FNIP2: variants seen among roughly 807,000 people sequenced by gnomAD.
FNIP2 encodes the protein folliculin interacting protein 2.
A neutral mutation model predicts 108.7 loss-of-function variants in FNIP2; 32 were observed. The ratio of observed to expected loss-of-function variants is 0.29; its 90% CI spans 0.22 to 0.40. The LOEUF is 0.40. Ranked by LOEUF, FNIP2 falls within the 10% of genes least tolerant of loss-of-function variation. The probability of loss-of-function intolerance (pLI) is 1.00; values close to 1 mark genes in which losing one functional copy is unlikely to be tolerated. For synonymous variants in FNIP2, 480 were observed against 496.7 expected (o/e 0.97, Z 0.45); for missense variants, 1,202 against 1,381.6 (o/e 0.87, Z 2.06).
intron 1 of FNIP2, among the ~76,000 whole-genome samples, chr4:158,769,948 A>G (rs749799286): frequency 6.6e-6 from 1 of 152,190 alleles, no homozygotes; most frequent in Non-Finnish European, 1.5e-5. Flanking sequence ...TATTTAATAG[A>G]TTTGATCTCT....
At chr4:158,777,517 C>T (rs1242498259) in intron 1 of FNIP2, among the ~76,000 whole-genome samples, 2 of 152,168 alleles carry the variant, frequency 1.3e-5, no homozygotes, top group Admixed American at 6.5e-5. Context: ...TTAATGGTGG[C>T]CTACCCTGTG....
At chr4:158,881,853 A>G (rs1234663080) in intron 14 of FNIP2, among the ~76,000 whole-genome samples, 1 of 152,200 alleles carries the variant, frequency 6.6e-6, no homozygotes, top group Non-Finnish European at 1.5e-5. Context: ...CCGAGATTGC[A>G]GCCTCTGCCT....
At chr4:158,892,331 T>A (rs1298669370) in intron 15 of FNIP2, among the ~76,000 whole-genome samples, 1 of 152,072 alleles carries the variant, frequency 6.6e-6, no homozygotes, top group Non-Finnish European at 1.5e-5. Flanking sequence ...AGATGGGTTT[T>A]GCCATGTTGC....
rs1782603709 is a variant in FNIP2, at chr4:158,895,654, TG to T, written c.3151-95del. ...TATTTGAAACTGATGAGATAAAAGCTGTGTAGTTAGAAATGAATTAAGAAAA... is the reference window on the plus strand; with the variant it reads ...TATTTGAAACTGATGAGATAAAAGCTTGTAGTTAGAAATGAATTAAGAAAA... On this transcript the variant is annotated intron_variant, in intron 15 of 16. Coordinates refer to ENST00000264433, the MANE Select transcript of FNIP2 (RefSeq NM_020840.3). 4 of 744,186 alleles carry T rather than the reference TG, an allele frequency of 5.4e-6. No individual in the cohort carries two copies. In the South Asian group the frequency reaches 6.5e-5, roughly 12 times the overall value. The allele number at this position is 744,186 out of a possible 1,614,324, so 46.1% of individuals were successfully genotyped here. A position where few individuals can be genotyped will look rare whatever the true frequency, so the allele number is the denominator to read the frequency against.
rs759628077 is a variant in FNIP2, at chr4:158,869,049, A to G, written c.2413A>G (p.Met805Val). The G allele has an allele frequency of 3.7e-6, 6 of 1,613,910 alleles. No individual in the cohort carries two copies. The African/African-American group carries it at 8.0e-5, about 22-fold the overall frequency. ...AGAGGACAGAGGCAGCAGAAACGAC[A>G]TGGCAGCAGATATTGCTGGGCAGCT... ...FAEDRGSRND[M>V]AADIAGQLSH... Residue 805 changes from methionine to valine, a missense_variant, in exon 13 of 17, where the codon ATG (methionine) becomes GTG (valine). By Grantham distance (21) the Met-to-Val change is conservative. Around this residue, in one of 5 missense-constraint regions of FNIP2, gnomAD observed 878 missense variants for 990.3 expected, o/e 0.89. Coordinates refer to ENST00000264433, the MANE Select transcript of FNIP2 (RefSeq NM_020840.3).
At chr4:158,876,896 G>A (rs1245466309) in intron 14 of FNIP2, among the ~76,000 whole-genome samples, 4 of 152,124 alleles carry the variant, frequency 2.6e-5, no homozygotes, top group African/African-American at 7.2e-5. Flanking sequence ...GTTCATTGTC[G>A]TTACCTAAAG....
intron 1 of FNIP2, among the ~76,000 whole-genome samples, chr4:158,801,207 G>A (rs183243365): frequency 4.1e-4 from 62 of 152,250 alleles, no homozygotes; most frequent in South Asian, 4.2e-4. Flanking sequence ...GGCGGTAGGG[G>A]CCGGTGTGCT....
chr4:158,829,151 A>G lies in FNIP2; in HGVS notation c.307A>G (p.Ser103Gly), dbSNP rs781724049. 3 of 1,613,092 alleles carry G rather than the reference A, an allele frequency of 1.9e-6. No individual in the cohort carries two copies. Among genetic ancestry groups the G allele is most frequent in the South Asian group, 2.2e-5 (2 of 90,804 alleles). Residue 103 changes from serine to glycine, a missense_variant, in exon 3 of 17, where the codon AGC becomes GGC. Ser to Gly is a moderately conservative substitution (Grantham distance 56, BLOSUM62 0). Around this residue, in one of 5 missense-constraint regions of FNIP2, gnomAD observed 173 missense variants for 165.9 expected, o/e 1.04. Transcript: ENST00000264433. ...QGSSSVSSSS[S>G]SSISSHSSSG... ...AAGCAGCAGTGTCAGCAGCAGTAGC[A>G]GCAGCAGCATCTCTTCCCACAGTTC... is the stretch of plus-strand genomic sequence containing the variant.
chr4:158,806,319 T>A (rs1337567578), intron 1 of FNIP2: 1 of 1,289,390 alleles, frequency 7.8e-7, no homozygotes, highest in South Asian at 1.2e-5. Context: ...GTGTGAGTGA[T>A]GCTGTTCCTG....
Position 158,812,372 on chromosome 4 carries a change from G to C in FNIP2, c.108-13544G>C, listed in dbSNP as rs540590188. 1.3e-4 allele frequency among the ~76,000 whole-genome samples: 20 copies of C among 152,126 alleles called. No homozygotes were observed. The South Asian group carries it at 3.3e-3, about 25-fold the overall frequency. ...GGGTAGATAGAACAAGGAGGAGACG[G>C]CCTGTAATTCTGCTGAACAGGGACA... is the stretch of plus-strand genomic sequence containing the variant. On this transcript the variant is annotated intron_variant, in intron 1 of 16. Transcript: ENST00000264433.
chr4:158,779,762 G>T (rs1775978005), intron 1 of FNIP2, among the ~76,000 whole-genome samples: 1 of 145,226 alleles, frequency 6.9e-6, no homozygotes, highest in African/African-American at 2.6e-5. Context: ...TTGTAGAGAC[G>T]GGAGCGGGGG....
At chr4:158,861,165 AGG>A (rs1780268922) in intron 10 of FNIP2, among the ~76,000 whole-genome samples, 175 bp from the exon 11 acceptor site, 1 of 152,266 alleles carries the variant, frequency 6.6e-6, no homozygotes, top group Non-Finnish European at 1.5e-5. Context: ...TTACAAAAAA[AGG>A]TGGCAGTCAG....
intron 1 of FNIP2, among the ~76,000 whole-genome samples, chr4:158,815,106 C>T (rs907103885): frequency 6.6e-6 from 1 of 152,156 alleles, no homozygotes; most frequent in Non-Finnish European, 1.5e-5. Flanking sequence ...CATTTAGTCA[C>T]CAAAACAGCA....
At chr4:158,825,547 G>A (rs958467738) in intron 1 of FNIP2, among the ~76,000 whole-genome samples, 5 of 152,152 alleles carry the variant, frequency 3.3e-5, no homozygotes, top group Non-Finnish European at 5.9e-5. Flanking sequence ...CCTTTAACTC[G>A]GATATGCTGT....
intron 7 of FNIP2, among the ~76,000 whole-genome samples, chr4:158,844,812 T>A (rs933945220): frequency 2.0e-5 from 3 of 152,132 alleles, no homozygotes; most frequent in Admixed American, 6.5e-5. Context: ...GTAGCAAAAA[T>A]TTTTTTTCAG....
chr4:158,854,164 T>C (rs916825350), intron 8 of FNIP2, among the ~76,000 whole-genome samples: 7 of 152,244 alleles, frequency 4.6e-5, no homozygotes, highest in Admixed American at 1.3e-4. Flanking sequence ...CTGATATTCT[T>C]TATTGCAATG....
chr4:158,846,765 C>T (rs781708085), intron 7 of FNIP2, among the ~76,000 whole-genome samples: 3 of 152,106 alleles, frequency 2.0e-5, no homozygotes, highest in Non-Finnish European at 2.9e-5. Context: ...AAGCCTCCAC[C>T]GATCGTCCTC....
intron 1 of FNIP2, among the ~76,000 whole-genome samples, chr4:158,785,969 G>C (rs1028444911): frequency 6.6e-6 from 1 of 152,154 alleles, no homozygotes; most frequent in Non-Finnish European, 1.5e-5. Context: ...TTAGAGTTTA[G>C]GGTCTGTCAT....
In FNIP2 at chr4:158,905,708, AAAC is replaced by A. The variant is rs1729776200; in HGVS notation, c.*1168_*1170del. On this transcript the variant is annotated 3_prime_UTR_variant, in exon 17 of 17. Coordinates refer to ENST00000264433, the MANE Select transcript of FNIP2 (RefSeq NM_020840.3). ...TAAAGTTCATGCAAAAAAAAAAAAA[AAAC>A]AACCTAATTTTCTGTTAATATAAAA... 6.6e-6 allele frequency: 1 copy of A among 151,886 alleles called. No homozygotes were observed. The highest frequency in any genetic ancestry group is 2.4e-5 in the African/African-American group (1 of 41,232). 9.4% of individuals were successfully genotyped at this position (151,886 alleles called of 1,614,324 possible). A position where few individuals can be genotyped will look rare whatever the true frequency, so the allele number is the denominator to read the frequency against.
Sources: gnomAD v4.1 joint callset for allele counts (sites outside exome capture counted in the v4.1 genomes callset) on GRCh38, gnomAD v4.1.1 for gene constraint, gnomAD v4.1.1 regional missense constraint, MANE v1.5 for transcripts, NCBI Gene and HGNC (gene_info 2026-07-23, HGNC 2026-07-21) for gene names.